CECR2: variants seen among roughly 807,000 people sequenced by gnomAD.
CECR2 encodes the protein chromatin remodeling regulator CECR2.
Under a neutral mutation model 154.5 loss-of-function variants are expected in CECR2, and 30 were observed. The ratio of observed to expected loss-of-function variants is 0.19; its 90% CI spans 0.15 to 0.26. The LOEUF is 0.26. Ranked by LOEUF, CECR2 falls within the 10% of genes least tolerant of loss-of-function variation. The pLI is 1.00. For synonymous variants in CECR2, 725 were observed against 683.7 expected (o/e 1.06, Z -0.94); for missense variants, 1,743 against 1,829.3 (o/e 0.95, Z 0.86).
Position 17,447,033 on chromosome 22 carries a change from C to CTGTTTTTTTTTTTTTTTT in CECR2, c.127-30554_127-30553insGTTTTTTTTTTTTTTTTT, listed in dbSNP as rs1339121774. On this transcript the variant is annotated intron_variant, in intron 1 of 18. Transcript: ENST00000262608. ...GAGTGCTGAGTGGTGCGTTTACAAT[C>CTGTTTTTTTTTTTTTTTT]TTTTTTTTTTTTTTTTTTTGAGACA... Among the ~76,000 whole-genome samples, 98 of 114,088 alleles carry CTGTTTTTTTTTTTTTTTT rather than the reference C, an allele frequency of 8.6e-4. 16 individuals are homozygous for CTGTTTTTTTTTTTTTTTT. Among genetic ancestry groups the CTGTTTTTTTTTTTTTTTT allele is most frequent in the African/African-American group, 3.0e-3 (81 of 26,686 alleles). 74.8% of individuals were successfully genotyped at this position (114,088 alleles called of 152,430 possible).
chr22:17,430,760 T>C (rs1300443778), intron 1 of CECR2, among the ~76,000 whole-genome samples: 1 of 152,018 alleles, frequency 6.6e-6, no homozygotes, highest in African/African-American at 2.4e-5. Flanking sequence ...CTGCAGTGTC[T>C]CTTGGTGGTT....
rs562917891 is a variant in CECR2 at position 17,515,221 on chromosome 22, T to A, written c.954+3325T>A. 1.2e-4 allele frequency among the ~76,000 whole-genome samples: 19 copies of A among 152,258 alleles called. No homozygotes were observed. In the East Asian group the frequency reaches 3.3e-3, roughly 26 times the overall value. ...GAAATGTGAGGCAGACATATTCAGC[T>A]AAGCAGGAGGTGTTTACAAGTGCAG... On this transcript the variant is annotated intron_variant, in intron 8 of 18. Transcript: ENST00000262608.
intron 1 of CECR2, among the ~76,000 whole-genome samples, chr22:17,392,608 G>A (rs1168005201): frequency 6.6e-6 from 1 of 152,146 alleles, no homozygotes; most frequent in Non-Finnish European, 1.5e-5. Flanking sequence ...GTTGAGTCAG[G>A]GAGATGGAGG....
rs1456689393 is a variant in CECR2, at chr22:17,540,692, C to T, written c.1776C>T (p.Ser592=). Residue 592 remains serine, a synonymous_variant, in exon 14 of 19, where the codon AGC becomes AGT. Coordinates refer to ENST00000262608, the MANE Select transcript of CECR2 (RefSeq NM_001290047.2). ...RAPSSGDDQS[S]SSTQPPREVG... ...CCTCTTCTGGGGACGATCAGAGCAG[C>T]AGCTCCACACAGCCCCCGCGGGAGG... The T allele has an allele frequency of 6.2e-7, 1 of 1,613,726 alleles. No homozygotes were observed. Among genetic ancestry groups the T allele is most frequent in the Non-Finnish European group, 8.5e-7 (1 of 1,179,832 alleles).
chr22:17,373,097 CTG>C, intron 1 of CECR2, among the ~76,000 whole-genome samples: 1 of 152,234 alleles, frequency 6.6e-6, no homozygotes, highest in South Asian at 2.1e-4. Context: ...GAGTCTCACT[CTG>C]TTGCCCAGGC....
chr22:17,473,025 C>T (rs2055153213), intron 1 of CECR2, among the ~76,000 whole-genome samples: 1 of 152,114 alleles, frequency 6.6e-6, no homozygotes, highest in Admixed American at 6.6e-5. Flanking sequence ...GTTGTTTTCC[C>T]AGCAGCCACT....
Position 17,552,822 on chromosome 22 carries a change from T to G in CECR2, c.4390-13T>G. On this transcript the variant is annotated splice_polypyrimidine_tract_variant and intron_variant, in intron 18 of 18. Transcript: ENST00000262608. ...ATTTTTATTTTTGTTTAAAATGTCT[T>G]TGTTTCTTTCAGAGCTAGTCCAAGG... 1 of 1,535,068 alleles carries G rather than the reference T, an allele frequency of 6.5e-7. No homozygotes were observed. Among genetic ancestry groups the G allele is most frequent in the Non-Finnish European group, 8.8e-7 (1 of 1,140,234 alleles).
chr22:17,517,127 T>C (rs1427383140), intron 8 of CECR2, among the ~76,000 whole-genome samples: 3 of 152,168 alleles, frequency 2.0e-5, no homozygotes, highest in African/African-American at 7.2e-5. Flanking sequence ...TCCACCCTCC[T>C]CAGCCTCCCA....
intron 7 of CECR2, among the ~76,000 whole-genome samples, chr22:17,511,324 C>T (rs1054838860): frequency 6.6e-6 from 1 of 152,136 alleles, no homozygotes. Context: ...GCATTCTGCT[C>T]GCTGAGCCCT....
chr22:17,469,287 G>C (rs1182253620), intron 1 of CECR2, among the ~76,000 whole-genome samples: 1 of 152,112 alleles, frequency 6.6e-6, no homozygotes, highest in African/African-American at 2.4e-5. Context: ...TTGCATTGGG[G>C]ATTAGTTTTC....
At chr22:17,461,512 G>C (rs2054937311) in intron 1 of CECR2, among the ~76,000 whole-genome samples, 1 of 152,130 alleles carries the variant, frequency 6.6e-6, no homozygotes, top group Non-Finnish European at 1.5e-5. Flanking sequence ...ACCATCATTT[G>C]CTAGGCACTT....
chr22:17,393,352 A>G (rs914598565), intron 1 of CECR2, among the ~76,000 whole-genome samples: 2 of 152,210 alleles, frequency 1.3e-5, no homozygotes, highest in African/African-American at 2.4e-5. Context: ...ATCAGTATAT[A>G]ATTCCTTTTT....
At chr22:17,469,655 G>C (rs560923464) in intron 1 of CECR2, among the ~76,000 whole-genome samples, 1 of 149,980 alleles carries the variant, frequency 6.7e-6, no homozygotes, top group South Asian at 2.1e-4. Context: ...TCCTACCCAG[G>C]CTGTTCCTAA....
chr22:17,421,125 T>G (rs2054240025), intron 1 of CECR2, among the ~76,000 whole-genome samples: 1 of 152,208 alleles, frequency 6.6e-6, no homozygotes, highest in Non-Finnish European at 1.5e-5. Flanking sequence ...GCCTCATTCA[T>G]TCTCCAGTGC....
chr22:17,471,048 T>G lies in CECR2; in HGVS notation c.127-6540T>G, dbSNP rs375752485. Among the ~76,000 whole-genome samples the G allele has an allele frequency of 2.0e-5, 3 of 152,278 alleles. No homozygotes were observed. In the East Asian group the frequency reaches 5.8e-4, roughly 29 times the overall value. On this transcript the variant is annotated intron_variant, in intron 1 of 18. Transcript: ENST00000262608. ...ATAAATTCTCTAATGACATCTCCCA[T>G]TTTATCTGTAAGAGTCATGCAAGTA...
intron 8 of CECR2, among the ~76,000 whole-genome samples, chr22:17,514,128 A>G (rs1382636242): frequency 6.6e-6 from 1 of 152,192 alleles, no homozygotes; most frequent in African/African-American, 2.4e-5. Context: ...TTATTGCCTG[A>G]TAAAAGACTT....
upstream of CECR2, among the ~76,000 whole-genome samples, chr22:17,365,914 A>T (rs2062999976): frequency 6.6e-6 from 1 of 152,138 alleles, no homozygotes; most frequent in Non-Finnish European, 1.5e-5. Context: ...GAACCTATAT[A>T]AATCCCAACA....
chr22:17,538,004 A>G (rs565338106), intron 10 of CECR2, among the ~76,000 whole-genome samples: 199 of 152,170 alleles, frequency 1.3e-3, no homozygotes, highest in Admixed American at 2.2e-3. Context: ...AAAAAAAAAA[A>G]AAAAGATTGT....
intron 1 of CECR2, among the ~76,000 whole-genome samples, chr22:17,425,856 T>C (rs1279874910): frequency 3.3e-5 from 5 of 152,126 alleles, no homozygotes; most frequent in Admixed American, 1.3e-4. Flanking sequence ...ATAAAAGCGA[T>C]GTTAAAGAGA....
Sources: gnomAD v4.1 joint callset for allele counts (sites outside exome capture counted in the v4.1 genomes callset) on GRCh38, gnomAD v4.1.1 for gene constraint, MANE v1.5 for transcripts, NCBI Gene and HGNC (gene_info 2026-07-23, HGNC 2026-07-21) for gene names.